C22orf39: variants seen among roughly 807,000 people sequenced by gnomAD.
C22orf39 encodes the protein chromosome 22 open reading frame 39.
Under a neutral mutation model 18.3 loss-of-function variants are expected in C22orf39, and 20 were observed. That is an observed-to-expected ratio of 1.09 (90% CI 0.77 to 1.59). The LOEUF is 1.59. C22orf39 is among the 40% of genes most tolerant of loss of function. The pLI is 0.00. For synonymous variants in C22orf39, 63 were observed against 59.6 expected, an observed-to-expected ratio of 1.06 and a Z score of -0.26; for missense variants, 195 against 156.1, an observed-to-expected ratio of 1.25 and a Z score of -1.33.
In C22orf39 at chr22:19,443,569, C is replaced by A. The variant is rs937966196; in HGVS notation, c.*696G>T. 1 of 985,496 alleles carries A rather than the reference C, an allele frequency of 1.0e-6. No homozygotes were observed. Among genetic ancestry groups the A allele is most frequent in the Non-Finnish European group, 1.2e-6 (1 of 829,882 alleles). The allele number at this position is 985,496 out of a possible 1,614,324, so 61.0% of individuals were successfully genotyped here. On this transcript the variant is annotated 3_prime_UTR_variant, in exon 3 of 3. Coordinates refer to ENST00000399562, the MANE Select transcript of C22orf39 (RefSeq NM_173793.5). Reference sequence around the variant, plus strand: ...ATTTTGAGGGAAGGAGTGCTTAATTCCATATGTCTTGGACTTGGATTTCTT... The same window carrying A: ...ATTTTGAGGGAAGGAGTGCTTAATTACATATGTCTTGGACTTGGATTTCTT...
intron 2 of C22orf39, 64 bp downstream of exon 2, chr22:19,447,313 AG>A: frequency 7.3e-7 from 1 of 1,374,594 alleles, no homozygotes; most frequent in Non-Finnish European, 9.4e-7. Flanking sequence ...TGGGGCGTGG[AG>A]GGGTGGGGAA....
chr22:19,446,523 T>C (rs1473535293), intron 2 of C22orf39, among the ~76,000 whole-genome samples: 1 of 152,184 alleles, frequency 6.6e-6, no homozygotes, highest in Non-Finnish European at 1.5e-5. Flanking sequence ...TATTCTACAC[T>C]ACAGTGTGGG....
At chr22:19,444,456 C>G (rs113884318) in intron 2 of C22orf39, 66 bp from the exon 3 acceptor site, 8 of 1,517,010 alleles carry the variant, frequency 5.3e-6, no homozygotes, top group South Asian at 2.4e-5. Flanking sequence ...GTACCTCCCC[C>G]CTCTCATCAC....
intron 2 of C22orf39, among the ~76,000 whole-genome samples, chr22:19,444,728 A>C (rs549820838): frequency 6.6e-6 from 1 of 152,228 alleles, no homozygotes; most frequent in Admixed American, 6.5e-5. Context: ...GCTGAGAGTG[A>C]GCCTGGGGGT....
intron 2 of C22orf39, among the ~76,000 whole-genome samples, chr22:19,444,797 G>A (rs1438028703): frequency 1.3e-5 from 2 of 152,154 alleles, no homozygotes; most frequent in Non-Finnish European, 2.9e-5. Context: ...GCAGGGAGGA[G>A]TGTGTTAGGG....
intron 1 of C22orf39, 32 bp from the exon 2 acceptor site, chr22:19,447,577 C>G: frequency 7.1e-7 from 1 of 1,406,894 alleles, no homozygotes; most frequent in South Asian, 1.6e-5. Flanking sequence ...GAGCGGGGCC[C>G]GGCGGCCGCG....
intron 2 of C22orf39, among the ~76,000 whole-genome samples, chr22:19,447,014 G>C (rs966360459): frequency 2.6e-5 from 4 of 152,120 alleles, no homozygotes; most frequent in African/African-American, 9.7e-5. Context: ...AGGAACCCAG[G>C]CCTTATCTGT....
intron 2 of C22orf39, among the ~76,000 whole-genome samples, chr22:19,446,743 T>C (rs1489173050): frequency 6.6e-6 from 1 of 152,146 alleles, no homozygotes; most frequent in Non-Finnish European, 1.5e-5. Flanking sequence ...CCCTCTGTTA[T>C]CCAGGCTGGT....
Position 19,447,480 on chromosome 22 carries a change from T to C in C22orf39, c.90A>G (p.Leu30=), listed in dbSNP as rs764199797. Residue 30 remains leucine, a synonymous_variant, in exon 2 of 3, where the codon CTA becomes CTG. Coordinates refer to ENST00000399562, the MANE Select transcript of C22orf39 (RefSeq NM_173793.5). ...GCTCGCCGTGGACGTAGTAGTGGTG[T>C]AGGAAGTGCCTGGCGCTGCGGCAGA... The part of the protein sequence containing the change: ...WKLCRSARHF[L]HHYYVHGERP... 6.6e-7 allele frequency: 1 copy of C among 1,511,864 alleles called. No individual in the cohort carries two copies. The highest frequency in any genetic ancestry group is 8.8e-7 in the Non-Finnish European group (1 of 1,138,820). The allele number at this position is 1,511,864 out of a possible 1,614,324, so 93.7% of individuals were successfully genotyped here.
chr22:19,444,144 TGTGAGCAAGA>T lies in C22orf39; in HGVS notation c.*111_*120del. ...CTAGCAATGTCCTGCTCCATGTTCC[TGTGAGCAAGA>T]GCTCACAGGGACCCACCAGACTGTG... is the stretch of plus-strand genomic sequence containing the variant. On this transcript the variant is annotated 3_prime_UTR_variant, in exon 3 of 3. Transcript: ENST00000399562. The T allele has an allele frequency of 5.7e-6, 8 of 1,412,620 alleles. No homozygotes were observed. In the South Asian group the frequency reaches 1.3e-4, roughly 24 times the overall value. 87.5% of individuals were successfully genotyped at this position (1,412,620 alleles called of 1,614,324 possible). A position where few individuals can be genotyped will look rare whatever the true frequency, so the allele number is the denominator to read the frequency against.
intron 2 of C22orf39, among the ~76,000 whole-genome samples, chr22:19,447,143 C>T (rs1169546530): frequency 1.2e-5 from 1 of 81,666 alleles, no homozygotes; most frequent in Non-Finnish European, 2.5e-5. Flanking sequence ...TGCCCTCTTC[C>T]CTCTCTAAAC....
chr22:19,444,189 C>T lies in C22orf39; in HGVS notation c.*76G>A, dbSNP rs1313102209. ...GACCCACCAGACTGTGTAGGCTGGT[C>T]ACAGTCCCCAGGGCTGTGCAACAGC... is the stretch of plus-strand genomic sequence containing the variant. On this transcript the variant is annotated 3_prime_UTR_variant, in exon 3 of 3. Transcript: ENST00000399562. 2 of 1,465,104 alleles carry T rather than the reference C, an allele frequency of 1.4e-6. No homozygotes were observed. The highest frequency in any genetic ancestry group is 2.6e-5 in the Admixed American group (1 of 38,298). 90.8% of individuals were successfully genotyped at this position (1,465,104 alleles called of 1,614,324 possible).
At position 19,441,412 on chromosome 22, in the gene C22orf39, G is replaced by A. The variant is rs1258456358; in HGVS notation, c.*2853C>T. Reference sequence around the variant, plus strand: ...AATGGCACTATATCACATACAGTACGGATACATATTGTTTTGTATTTCAAC... The same window carrying A: ...AATGGCACTATATCACATACAGTACAGATACATATTGTTTTGTATTTCAAC... On this transcript the variant is annotated 3_prime_UTR_variant, in exon 3 of 3. Transcript: ENST00000399562. 3 of 508,468 alleles carry A rather than the reference G, an allele frequency of 5.9e-6. No individual in the cohort carries two copies. Among genetic ancestry groups the A allele is most frequent in the South Asian group, 2.8e-5 (1 of 35,138 alleles). 31.5% of individuals were successfully genotyped at this position (508,468 alleles called of 1,614,324 possible).
chr22:19,445,833 C>T (rs550653082), intron 2 of C22orf39, among the ~76,000 whole-genome samples: 1 of 152,240 alleles, frequency 6.6e-6, no homozygotes, highest in Middle Eastern at 3.4e-3. Context: ...TGCCACCATG[C>T]GTGGCTAATT....
chr22:19,441,910 T>TTTTTAATGATA lies in C22orf39; in HGVS notation c.*2354_*2355insTATCATTAAAA. 1 of 526,578 alleles carries TTTTTAATGATA rather than the reference T, an allele frequency of 1.9e-6. No individual in the cohort carries two copies. Among genetic ancestry groups the TTTTTAATGATA allele is most frequent in the Non-Finnish European group, 3.3e-6 (1 of 304,008 alleles). The allele number at this position is 526,578 out of a possible 1,614,324, so 32.6% of individuals were successfully genotyped here. Reference sequence around the variant, plus strand: ...CCTGGGCTCAAACAATCCTCCTATCTCAGCCTCCGAAGTAGCTGGAACTAC... The same window carrying TTTTTAATGATA: ...CCTGGGCTCAAACAATCCTCCTATCTTTTTAATGATACAGCCTCCGAAGTAGCTGGAACTAC... On this transcript the variant is annotated 3_prime_UTR_variant, in exon 3 of 3. Transcript: ENST00000399562.
Position 19,442,380 on chromosome 22 carries a change from G to A in C22orf39, c.*1885C>T, listed in dbSNP as rs2080641205. ...GACTTAATGCTTCCTAACAGAGCAT[G>A]CAGCCGCACAATGCATACCTTGCTA... On this transcript the variant is annotated 3_prime_UTR_variant, in exon 3 of 3. Transcript: ENST00000399562. 1.3e-5 allele frequency: 2 copies of A among 152,308 alleles called. No homozygotes were observed. The highest frequency in any genetic ancestry group is 4.8e-5 in the African/African-American group (2 of 41,466). 9.4% of individuals were successfully genotyped at this position (152,308 alleles called of 1,614,324 possible). A position where few individuals can be genotyped will look rare whatever the true frequency, so the allele number is the denominator to read the frequency against.
chr22:19,447,062 C>T (rs1426101478), intron 2 of C22orf39, among the ~76,000 whole-genome samples: 1 of 152,140 alleles, frequency 6.6e-6, no homozygotes, highest in Admixed American at 6.5e-5. Flanking sequence ...TGAAGGCTGG[C>T]TCCTGGTCAC....
rs1175007495 is a variant in C22orf39 at position 19,447,451 on chromosome 22, G to A, written c.119C>T (p.Pro40Leu). 9.2e-6 allele frequency: 14 copies of A among 1,513,574 alleles called. No individual in the cohort carries two copies. Among genetic ancestry groups the A allele is most frequent in the South Asian group, 3.7e-5 (3 of 81,288 alleles). The allele number at this position is 1,513,574 out of a possible 1,614,324, so 93.8% of individuals were successfully genotyped here. ...LHHYYVHGER[P>L]ACEQWQRDLA... ...GTCGCGCTGCCACTGTTCGCAGGCCGGCCGCTCGCCGTGGACGTAGTAGTG... is the reference window on the plus strand; with the variant it reads ...GTCGCGCTGCCACTGTTCGCAGGCCAGCCGCTCGCCGTGGACGTAGTAGTG... The change falls in exon 2 of 3, where the codon CCG becomes CTG. Residue 40 changes from proline (P) to leucine (L), a missense_variant. Coordinates refer to ENST00000399562, the MANE Select transcript of C22orf39 (RefSeq NM_173793.5).
intron 2 of C22orf39, among the ~76,000 whole-genome samples, chr22:19,445,816 A>G (rs1203961134): frequency 6.6e-6 from 1 of 152,114 alleles, no homozygotes; most frequent in East Asian, 1.9e-4. Flanking sequence ...CTGAGATTAC[A>G]GGTGTTTGCC....
Sources: gnomAD v4.1 joint callset for allele counts (sites outside exome capture counted in the v4.1 genomes callset) on GRCh38, gnomAD v4.1.1 for gene constraint, MANE v1.5 for transcripts, NCBI Gene and HGNC (gene_info 2026-07-23, HGNC 2026-07-21) for gene names.